The following ZSWIM5 variants were observed in gnomAD, a reference collection of about 807,000 sequenced individuals.
ZSWIM5 encodes zinc finger SWIM-type containing 5, also known as zinc finger SWIM domain-containing protein 5.
ZSWIM5 carries 55 observed loss-of-function variants against 119.6 expected under a neutral mutation model. The ratio of observed to expected loss-of-function variants is 0.46; its 90% CI spans 0.37 to 0.58. The LOEUF (loss-of-function observed/expected upper bound fraction) is 0.58. ZSWIM5 is among the 20% of genes least tolerant of loss of function. ZSWIM5 has a pLI of 0.00. For missense variants in ZSWIM5, 1,193 were observed against 1,512.8 expected (o/e 0.79, Z 3.51); for synonymous variants, 537 against 606.9 (o/e 0.88, Z 1.69).
At chr1:45,095,635 A>G (rs760166245) in intron 1 of ZSWIM5, among the ~76,000 whole-genome samples, 1 of 152,074 alleles carries the variant, frequency 6.6e-6, no homozygotes, top group Non-Finnish European at 1.5e-5. Flanking sequence ...CATACTTTCT[A>G]TTGCATCACA....
intron 1 of ZSWIM5, among the ~76,000 whole-genome samples, chr1:45,146,612 G>A (rs1213049864): frequency 1.3e-5 from 2 of 151,444 alleles, no homozygotes; most frequent in African/African-American, 4.9e-5. Flanking sequence ...GCTAATTTTT[G>A]TATTTTTAGT....
At chr1:45,181,886 G>T (rs1320134032) in intron 1 of ZSWIM5, among the ~76,000 whole-genome samples, 1 of 152,100 alleles carries the variant, frequency 6.6e-6, no homozygotes, top group Non-Finnish European at 1.5e-5. Flanking sequence ...AATGCTGAGA[G>T]ATTTTGTCAC....
intron 1 of ZSWIM5, among the ~76,000 whole-genome samples, chr1:45,167,311 C>G (rs934041841): frequency 6.6e-6 from 1 of 151,538 alleles, no homozygotes; most frequent in African/African-American, 2.4e-5. Context: ...ACACCTTATA[C>G]AAAAACTAAT....
At chr1:45,092,964 C>A (rs1645377350) in intron 1 of ZSWIM5, among the ~76,000 whole-genome samples, 1 of 152,204 alleles carries the variant, frequency 6.6e-6, no homozygotes, top group South Asian at 2.1e-4. Context: ...ATCTATCTAT[C>A]ATCTCCCACT....
At chr1:45,066,570 T>G (rs1645185196) in intron 2 of ZSWIM5, among the ~76,000 whole-genome samples, 1 of 152,192 alleles carries the variant, frequency 6.6e-6, no homozygotes, top group African/African-American at 2.4e-5. Context: ...TGTCATAAAT[T>G]GGTAATTAAA....
At chr1:45,108,980 A>G (rs941540623) in intron 1 of ZSWIM5, among the ~76,000 whole-genome samples, 11 of 152,228 alleles carry the variant, frequency 7.2e-5, no homozygotes, top group Non-Finnish European at 1.6e-4. Flanking sequence ...TGCTTTATTT[A>G]AAGATTTCAT....
intron 1 of ZSWIM5, among the ~76,000 whole-genome samples, chr1:45,183,418 T>C (rs925256848): frequency 3.3e-5 from 5 of 151,664 alleles, no homozygotes; most frequent in African/African-American, 4.8e-5. Flanking sequence ...CTGAAGGAAA[T>C]AGAGACCAAA....
chr1:45,019,941 G>T lies in ZSWIM5; in HGVS notation c.2695+125C>A. 1.2e-6 allele frequency: 1 copy of T among 815,202 alleles called. No homozygotes were observed. Among genetic ancestry groups the T allele is most frequent in the Non-Finnish European group, 2.0e-6 (1 of 507,822 alleles). The allele number at this position is 815,202 out of a possible 1,614,324, so 50.5% of individuals were successfully genotyped here. ...CTACCAGCAGCCCCATCCTTTCTTA[G>T]GCCATCTCCTGATGGACCTAAGATC... On this transcript the variant is annotated intron_variant, in intron 13 of 13. Coordinates refer to ENST00000359600, the MANE Select transcript of ZSWIM5 (RefSeq NM_020883.2). This position sits in a 1 kb window ranked among gnomAD's most constrained non-coding sequence, Gnocchi z 5.0.
At chr1:45,052,387 T>C (rs985088051) in intron 4 of ZSWIM5, among the ~76,000 whole-genome samples, 1 of 152,184 alleles carries the variant, frequency 6.6e-6, no homozygotes, top group Non-Finnish European at 1.5e-5. Flanking sequence ...AGAAGTACAT[T>C]TGGACACTAT....
intron 1 of ZSWIM5, among the ~76,000 whole-genome samples, chr1:45,187,472 A>G (rs1646066197): frequency 6.6e-6 from 1 of 152,196 alleles, no homozygotes; most frequent in South Asian, 2.1e-4. Context: ...TATAAGAGCT[A>G]AAACTAGAAA....
At chr1:45,190,372 C>G (rs1646084265) in intron 1 of ZSWIM5, among the ~76,000 whole-genome samples, 1 of 152,040 alleles carries the variant, frequency 6.6e-6, no homozygotes, top group Non-Finnish European at 1.5e-5. Flanking sequence ...CTTAGACCAC[C>G]AGAGATTCTG....
chr1:45,092,539 C>CT, intron 1 of ZSWIM5, among the ~76,000 whole-genome samples: 1 of 43,310 alleles, frequency 2.3e-5, no homozygotes, highest in East Asian at 1.3e-3. Context: ...TCGTGATCCA[C>CT]CCCCCCCCCC....
intron 2 of ZSWIM5, chr1:45,070,445 G>A: frequency 8.0e-7 from 1 of 1,251,492 alleles, no homozygotes; most frequent in East Asian, 2.4e-5. Context: ...TGGCAGCAAG[G>A]GCTGTTCTCC....
At chr1:45,168,492 T>A (rs1413035883) in intron 1 of ZSWIM5, among the ~76,000 whole-genome samples, 1 of 150,386 alleles carries the variant, frequency 6.6e-6, no homozygotes, top group Non-Finnish European at 1.5e-5. Flanking sequence ...AATATATATA[T>A]ATTTTTTTTA....
intron 7 of ZSWIM5, among the ~76,000 whole-genome samples, chr1:45,039,730 G>A (rs1645008126): frequency 6.6e-6 from 1 of 150,490 alleles, no homozygotes; most frequent in Non-Finnish European, 1.5e-5. Context: ...TTAAGACGGA[G>A]CTCTGCTCTT....
chr1:45,179,577 A>G (rs1312437299), intron 1 of ZSWIM5, among the ~76,000 whole-genome samples: 2 of 152,178 alleles, frequency 1.3e-5, no homozygotes, highest in East Asian at 1.9e-4. Context: ...AAACCTGCAC[A>G]TGTGCCCCCC....
intron 5 of ZSWIM5, among the ~76,000 whole-genome samples, chr1:45,044,776 A>C (rs1453536488): frequency 0.034 from 38 of 1,114 alleles, 12 homozygotes; most frequent in African/African-American, 0.083. Flanking sequence ...TATATATATA[A>C]ATATATATAT....
intron 1 of ZSWIM5, among the ~76,000 whole-genome samples, chr1:45,115,608 C>A (rs1384986096): frequency 9.9e-5 from 15 of 151,290 alleles, no homozygotes; most frequent in Admixed American, 4.6e-4. Context: ...TCGTCACTTC[C>A]CAGACGGGAT....
chr1:45,176,748 C>T (rs983433605), intron 1 of ZSWIM5, among the ~76,000 whole-genome samples: 3 of 152,062 alleles, frequency 2.0e-5, no homozygotes, highest in Non-Finnish European at 2.9e-5. Context: ...CCTACTGCTG[C>T]CACCCCCTGC....
Sources: gnomAD v4.1 joint callset for allele counts (sites outside exome capture counted in the v4.1 genomes callset) on GRCh38, gnomAD v4.1.1 for gene constraint, Gnocchi (gnomAD v3.1) non-coding constraint, MANE v1.5 for transcripts, NCBI Gene and HGNC (gene_info 2026-07-23, HGNC 2026-07-21) for gene names.